CNNM2: variants seen among roughly 807,000 people sequenced by gnomAD.
CNNM2 encodes cyclin and CBS domain divalent metal cation transport mediator 2.
CNNM2 carries 12 observed loss-of-function variants against 66.9 expected under a neutral mutation model. The ratio of observed to expected loss-of-function variants is 0.18; its 90% CI spans 0.11 to 0.29. CNNM2 has a LOEUF of 0.29. Ranked by LOEUF, CNNM2 falls within the 10% of genes least tolerant of loss-of-function variation. CNNM2 has a pLI of 1.00. For synonymous variants in CNNM2, 557 were observed against 501.8 expected, an observed-to-expected ratio of 1.11 and a Z score of -1.47; for missense variants, 705 against 1,167.7, an observed-to-expected ratio of 0.60 and a Z score of 5.77.
At chr10:102,998,869 G>T (rs2064054811) in intron 1 of CNNM2, among the ~76,000 whole-genome samples, 1 of 152,004 alleles carries the variant, frequency 6.6e-6, no homozygotes, top group Non-Finnish European at 1.5e-5. Context: ...CAGCAGGGTT[G>T]CAGGGTACAA....
At chr10:103,023,051 C>T (rs951672490) in intron 1 of CNNM2, among the ~76,000 whole-genome samples, 1 of 152,076 alleles carries the variant, frequency 6.6e-6, no homozygotes, top group Non-Finnish European at 1.5e-5. Context: ...TACAGGTGCA[C>T]ACCACCACAC....
chr10:103,089,780 C>T lies in CNNM2; in HGVS notation c.*12600C>T. 3 of 1,614,016 alleles carry T rather than the reference C, an allele frequency of 1.9e-6. No homozygotes were observed. Among genetic ancestry groups the T allele is most frequent in the Non-Finnish European group, 2.5e-6 (3 of 1,179,982 alleles). On this transcript the variant is annotated 3_prime_UTR_variant, in exon 8 of 8. Transcript: ENST00000369878. ...TGGGAGGTTTAATCTCACTAATTGA[C>T]CGTGTCAGCTGGTGCCGCTTGTAGT...
intron 1 of CNNM2, among the ~76,000 whole-genome samples, chr10:103,003,025 G>A (rs977507547): frequency 2.0e-5 from 3 of 151,960 alleles, no homozygotes; most frequent in African/African-American, 7.3e-5. Context: ...TTTGGTAAAT[G>A]GGTAAATAAA....
intron 4 of CNNM2, among the ~76,000 whole-genome samples, chr10:103,061,396 AATAT>A (rs1009147603): frequency 6.6e-6 from 1 of 152,132 alleles, no homozygotes; most frequent in Non-Finnish European, 1.5e-5. Context: ...GTCTCAAAAA[AATAT>A]ATATAATAAT....
chr10:103,036,659 C>A (rs183983343), intron 1 of CNNM2, among the ~76,000 whole-genome samples: 1 of 152,188 alleles, frequency 6.6e-6, no homozygotes, highest in Non-Finnish European at 1.5e-5. Context: ...ATACCTCACC[C>A]AGGAAAGCAT....
At chr10:103,049,331 G>C (rs1291800028) in intron 1 of CNNM2, among the ~76,000 whole-genome samples, 1 of 152,194 alleles carries the variant, frequency 6.6e-6, no homozygotes, top group Non-Finnish European at 1.5e-5. Context: ...TATGAAAATA[G>C]TTGGGCCTCA....
At chr10:102,952,232 C>T (rs1192607705) in intron 1 of CNNM2, among the ~76,000 whole-genome samples, 1 of 152,066 alleles carries the variant, frequency 6.6e-6, no homozygotes, top group Non-Finnish European at 1.5e-5. Flanking sequence ...TGAGCCACCA[C>T]GCTGGCCAGA....
At chr10:102,999,993 T>C (rs1274090600) in intron 1 of CNNM2, among the ~76,000 whole-genome samples, 3 of 152,148 alleles carry the variant, frequency 2.0e-5, no homozygotes, top group Non-Finnish European at 2.9e-5. Context: ...CCCAGCAGTT[T>C]GGGAGGTCAA....
rs746201341 is a variant in CNNM2, at chr10:103,077,107, A to G, written c.2555A>G (p.Asn852Ser). The G allele has an allele frequency of 1.9e-6, 3 of 1,614,000 alleles. No homozygotes were observed. The highest frequency in any genetic ancestry group is 1.7e-6 in the Non-Finnish European group (2 of 1,179,892). ...LHDGLPDETA[N>S]LLNEQNCVTH... is the part of the protein sequence containing the mutation. ...GACGGGTTGCCAGACGAGACAGCCA[A>G]CCTGCTCAACGAACAGAACTGTGTG... The change falls in exon 8 of 8, where the codon AAC (asparagine) becomes AGC (serine). Residue 852 changes from asparagine to serine, a missense_variant. By Grantham distance (46) the Asn-to-Ser change is conservative. Transcript: ENST00000369878.
At position 102,919,104 on chromosome 10, in the gene CNNM2, G is replaced by T; in HGVS notation, c.624G>T (p.Thr208=). ...PALGAGGSGS[T]GGAVGGKGGS... ...TGGGCGCCGGCGGCTCGGGGTCCACGGGTGGCGCCGTCGGGGGCAAGGGTG... is the reference window on the plus strand; with the variant it reads ...TGGGCGCCGGCGGCTCGGGGTCCACTGGTGGCGCCGTCGGGGGCAAGGGTG... Residue 208 remains threonine (T), a synonymous_variant, in exon 1 of 8, where the codon ACG becomes ACT. Coordinates refer to ENST00000369878, the MANE Select transcript of CNNM2 (RefSeq NM_017649.5). 5.0e-6 allele frequency: 8 copies of T among 1,611,006 alleles called. No individual in the cohort carries two copies. The highest frequency in any genetic ancestry group is 6.8e-6 in the Non-Finnish European group (8 of 1,179,070).
chr10:102,956,373 G>A (rs918138651), intron 1 of CNNM2, among the ~76,000 whole-genome samples: 11 of 151,912 alleles, frequency 7.2e-5, no homozygotes, highest in African/African-American at 1.7e-4. Flanking sequence ...CTGTTGGTGC[G>A]AGTGTAAACT....
intron 1 of CNNM2, among the ~76,000 whole-genome samples, chr10:102,945,961 ATTACT>A (rs1846605280): frequency 6.6e-6 from 1 of 151,802 alleles, no homozygotes; most frequent in South Asian, 2.1e-4. Flanking sequence ...GTGGTCATTG[ATTACT>A]TTACCATAAA....
chr10:102,953,549 A>C (rs1455130302), intron 1 of CNNM2, among the ~76,000 whole-genome samples: 4 of 152,096 alleles, frequency 2.6e-5, no homozygotes, highest in African/African-American at 4.8e-5. Context: ...GGCATGAGCC[A>C]CTGTGCCCGG....
chr10:102,968,254 T>C (rs1564824509), intron 1 of CNNM2, among the ~76,000 whole-genome samples: 1 of 152,146 alleles, frequency 6.6e-6, no homozygotes, highest in Non-Finnish European at 1.5e-5. Context: ...TGTTTTGTTT[T>C]GTTTTTGTTT....
chr10:103,013,499 A>C (rs2064384677), intron 1 of CNNM2, among the ~76,000 whole-genome samples: 1 of 152,144 alleles, frequency 6.6e-6, no homozygotes, highest in Admixed American at 6.6e-5. Flanking sequence ...TTTGCTTTAA[A>C]AGGTCGTTAG....
chr10:102,998,245 G>A (rs1051309214), intron 1 of CNNM2, among the ~76,000 whole-genome samples: 1 of 152,212 alleles, frequency 6.6e-6, no homozygotes, highest in Non-Finnish European at 1.5e-5. Flanking sequence ...TTGCAGAGCA[G>A]TTTTACCTGT....
Position 103,012,594 on chromosome 10 carries a change from G to A in CNNM2, c.1622-37113G>A, listed in dbSNP as rs189322637. Among the ~76,000 whole-genome samples the A allele has an allele frequency of 2.2e-3, 340 of 151,346 alleles. 3 individuals are homozygous for A. Among genetic ancestry groups the A allele is most frequent in the African/African-American group, 7.8e-3 (322 of 41,258 alleles). On this transcript the variant is annotated intron_variant, in intron 1 of 7. Transcript: ENST00000369878. ...ACCTGGGAGGCGAAGGTTGCAGTGA[G>A]CCGAGATTGCACCACTGCACTCCAG... is the stretch of plus-strand genomic sequence containing the variant.
chr10:102,940,301 G>A (rs189580036), intron 1 of CNNM2, among the ~76,000 whole-genome samples: 3 of 151,832 alleles, frequency 2.0e-5, no homozygotes, highest in Admixed American at 1.3e-4. Flanking sequence ...TTTTGAAAAC[G>A]CATCTTTTAC....
At chr10:102,984,665 C>A (rs1662190326) in intron 1 of CNNM2, among the ~76,000 whole-genome samples, 1 of 152,078 alleles carries the variant, frequency 6.6e-6, no homozygotes, top group Admixed American at 6.6e-5. Flanking sequence ...GTCCTTACTT[C>A]TATCTTATTT....
Sources: allele counts gnomAD v4.1 joint callset (sites outside exome capture counted in the v4.1 genomes callset), GRCh38; gene constraint gnomAD v4.1.1; transcripts MANE v1.5; gene names NCBI Gene and HGNC (gene_info 2026-07-23, HGNC 2026-07-21).